USP32: variants seen among roughly 807,000 people sequenced by gnomAD.
USP32 encodes the protein ubiquitin specific peptidase 32, also known as ubiquitin carboxyl-terminal hydrolase 32.
USP32 carries 59 observed loss-of-function variants against 204.8 expected under a neutral mutation model. The ratio of observed to expected loss-of-function variants is 0.29; its 90% CI spans 0.23 to 0.36. The LOEUF is 0.36. Among genes scored for constraint, USP32 ranks in the 10% least tolerant of loss-of-function variants. The pLI, the probability that USP32 is intolerant of heterozygous loss-of-function variation, is 1.00. For synonymous variants in USP32, 517 were observed against 678.4 expected (o/e 0.76, Z 3.70); for missense variants, 1,160 against 1,946.4 (o/e 0.60, Z 7.60).
At chr17:60,285,203 T>C (rs1402184158) in intron 5 of USP32, among the ~76,000 whole-genome samples, 3 of 152,088 alleles carry the variant, frequency 2.0e-5, no homozygotes, top group Non-Finnish European at 4.4e-5. Flanking sequence ...TCCATATGAG[T>C]AACAATATAA....
At chr17:60,227,163 A>T (rs2085415695) in intron 12 of USP32, among the ~76,000 whole-genome samples, 1 of 152,010 alleles carries the variant, frequency 6.6e-6, no homozygotes, top group African/African-American at 2.4e-5. Flanking sequence ...CAAAGAGAGA[A>T]CAATCCTAAA....
intron 30 of USP32, among the ~76,000 whole-genome samples, chr17:60,183,978 C>G (rs1340490878): frequency 2.6e-5 from 4 of 152,076 alleles, no homozygotes; most frequent in Non-Finnish European, 5.9e-5. Context: ...AATTATACCT[C>G]AATTTTTTTT....
chr17:60,398,101 G>C (rs183255112), intron 1 of USP32, among the ~76,000 whole-genome samples: 1 of 152,134 alleles, frequency 6.6e-6, no homozygotes, highest in Non-Finnish European at 1.5e-5. Context: ...AGGGTGCTTC[G>C]TGCCTGTAAT....
At chr17:60,187,829 A>C (rs1346466427) in intron 29 of USP32, among the ~76,000 whole-genome samples, 2 of 152,194 alleles carry the variant, frequency 1.3e-5, no homozygotes, top group Non-Finnish European at 2.9e-5. Flanking sequence ...ATAATCTATA[A>C]ATTACTTATA....
chr17:60,315,488 G>A (rs933179569), intron 2 of USP32, among the ~76,000 whole-genome samples: 25 of 152,176 alleles, frequency 1.6e-4, no homozygotes, highest in Non-Finnish European at 2.9e-5. Context: ...ACTGTTGATG[G>A]AAATGTAAAA....
chr17:60,284,135 A>G (rs1453183453), intron 5 of USP32, among the ~76,000 whole-genome samples: 2 of 152,092 alleles, frequency 1.3e-5, no homozygotes, highest in Non-Finnish European at 2.9e-5. Context: ...AATCATTAGG[A>G]ATTAGAAGGT....
intron 32 of USP32, 94 bp downstream of exon 32, chr17:60,181,230 G>A (rs2084102996): frequency 1.4e-6 from 2 of 1,466,824 alleles, no homozygotes; most frequent in Admixed American, 2.1e-5. Context: ...TAGGAAATAA[G>A]CAGGACCTGA....
At chr17:60,415,049 CCT>C in intron 1 of USP32, among the ~76,000 whole-genome samples, 1 of 151,964 alleles carries the variant, frequency 6.6e-6, no homozygotes, top group East Asian at 1.9e-4. Context: ...TGTTTATAGT[CCT>C]CTATAAAGAA....
chr17:60,402,938 G>T (rs184858110), intron 1 of USP32, among the ~76,000 whole-genome samples: 1 of 152,262 alleles, frequency 6.6e-6, no homozygotes, highest in East Asian at 1.9e-4. Flanking sequence ...ACAACATTGT[G>T]GTTAGGTTCC....
chr17:60,236,238 C>T lies in USP32; in HGVS notation c.1139G>A (p.Gly380Glu), dbSNP rs1397596644. Residue 380 changes from glycine to glutamate, a missense_variant and splice_region_variant, in exon 12 of 34, where the codon GGA (glycine) becomes GAA (glutamate). Physicochemically the swap from Gly to Glu is moderately conservative, Grantham distance 98 (BLOSUM62 -2). Around this residue, in one of 8 missense-constraint regions of USP32, gnomAD observed 536 missense variants for 680.9 expected, o/e 0.79. Transcript: ENST00000300896. ...ATACCTGCTCTCTCGTTCTAACCAT[C>T]CTCTGTATGTACAAAAGAAATTAAA... Reference protein sequence around the residue: ...TPEEEGQIIRGWLERESRYGL... With the variant: ...TPEEEGQIIREWLERESRYGL... 3.7e-6 allele frequency: 6 copies of T among 1,613,050 alleles called. No homozygotes were observed. Among genetic ancestry groups the T allele is most frequent in the Admixed American group, 1.7e-5 (1 of 59,962 alleles).
At chr17:60,239,550 T>C (rs1388608608) in intron 11 of USP32, among the ~76,000 whole-genome samples, 2 of 152,182 alleles carry the variant, frequency 1.3e-5, no homozygotes, top group African/African-American at 2.4e-5. Context: ...AATGGACTTT[T>C]ATTTAACTTC....
chr17:60,355,488 A>G (rs1335045105), intron 1 of USP32, among the ~76,000 whole-genome samples: 1 of 152,140 alleles, frequency 6.6e-6, no homozygotes, highest in Non-Finnish European at 1.5e-5. Flanking sequence ...ACTATCAAAA[A>G]CTGTCAAAAT....
chr17:60,419,328 A>G (rs554167157), intron 1 of USP32, among the ~76,000 whole-genome samples: 50 of 152,336 alleles, frequency 3.3e-4, no homozygotes, highest in African/African-American at 8.9e-4. Flanking sequence ...ACACATGAAC[A>G]CGTAGAGGGG....
At chr17:60,183,925 C>T (rs1324410154) in intron 30 of USP32, among the ~76,000 whole-genome samples, 1 of 152,140 alleles carries the variant, frequency 6.6e-6, no homozygotes, top group African/African-American at 2.4e-5. Flanking sequence ...TGTCAAAATT[C>T]ATCAAACTGG....
intron 28 of USP32, among the ~76,000 whole-genome samples, chr17:60,192,395 TA>T (rs1200904079): frequency 1.3e-5 from 2 of 152,184 alleles, no homozygotes. Flanking sequence ...TAAAACCAGC[TA>T]AATCTCAAAA....
At chr17:60,292,070 A>G (rs2087293009) in intron 4 of USP32, among the ~76,000 whole-genome samples, 1 of 152,082 alleles carries the variant, frequency 6.6e-6, no homozygotes, top group Non-Finnish European at 1.5e-5. Context: ...CTCAGTGATC[A>G]AAGGTCAACT....
chr17:60,273,913 T>C (rs554053682), intron 5 of USP32, among the ~76,000 whole-genome samples: 3 of 98,460 alleles, frequency 3.0e-5, no homozygotes, highest in East Asian at 2.8e-4. Context: ...TGAGCCGAGA[T>C]TGCGCCACTG....
At chr17:60,394,563 G>T (rs548263581), upstream of USP32, among the ~76,000 whole-genome samples, 3 of 152,182 alleles carry the variant, frequency 2.0e-5, no homozygotes, top group South Asian at 2.1e-4. Flanking sequence ...GAATATGACC[G>T]CATGTGTCGT....
chr17:60,359,835 T>A (rs2089163590), intron 1 of USP32, among the ~76,000 whole-genome samples: 1 of 151,946 alleles, frequency 6.6e-6, no homozygotes, highest in Admixed American at 6.6e-5. Context: ...AAATAAAGAG[T>A]TCATAGAAAC....
Sources: gnomAD v4.1 joint callset for allele counts (sites outside exome capture counted in the v4.1 genomes callset) on GRCh38, gnomAD v4.1.1 for gene constraint, gnomAD v4.1.1 regional missense constraint, MANE v1.5 for transcripts, NCBI Gene and HGNC (gene_info 2026-07-23, HGNC 2026-07-21) for gene names.